The following P4HB variants were observed in gnomAD, a reference collection of about 807,000 sequenced individuals.
P4HB encodes prolyl 4-hydroxylase subunit beta.
A neutral mutation model predicts 52.6 loss-of-function variants in P4HB; 20 were observed. That is an observed-to-expected ratio of 0.38 (90% CI 0.27 to 0.55). P4HB has a LOEUF of 0.55. Ranked by LOEUF, P4HB falls within the 20% of genes least tolerant of loss-of-function variation. The pLI is 0.74. For missense variants in P4HB, 601 were observed against 669.2 expected, an observed-to-expected ratio of 0.90 and a Z score of 1.12; for synonymous variants, 296 against 277.9, an observed-to-expected ratio of 1.07 and a Z score of -0.65.
In P4HB at chr17:81,860,351, G is replaced by A; in HGVS notation, c.121C>T (p.His41Tyr). ...CAGAACTCCACCAGCAGGTACTTGT[G>A]GGCCGCCAGCGCCTCCGCGAAGTTG... ...KSNFAEALAA[H>Y]KYLLVEFYAP... is the part of the protein sequence containing the mutation. The change falls in exon 1 of 11, where the codon CAC becomes TAC. Residue 41 changes from histidine (H) to tyrosine (Y), a missense_variant. By Grantham distance (83) the His-to-Tyr change is moderately conservative. Coordinates refer to ENST00000331483, the MANE Select transcript of P4HB (RefSeq NM_000918.4). 6.8e-7 allele frequency: 1 copy of A among 1,473,304 alleles called. No individual in the cohort carries two copies. The allele number at this position is 1,473,304 out of a possible 1,614,324, so 91.3% of individuals were successfully genotyped here.
At chr17:81,851,918 C>G (rs150004390) in intron 4 of P4HB, among the ~76,000 whole-genome samples, 1,626 of 152,364 alleles carry the variant, frequency 0.011, 32 homozygotes, top group African/African-American at 0.037. Context: ...TGGTATGGCT[C>G]ACGCCTGTAA....
At chr17:81,853,301 G>A (rs894313032) in intron 4 of P4HB, among the ~76,000 whole-genome samples, 2 of 152,044 alleles carry the variant, frequency 1.3e-5, no homozygotes, top group Non-Finnish European at 1.5e-5. Context: ...TGAATGGGTC[G>A]GTGGCTCACA....
chr17:81,851,615 C>T (rs768878613), intron 4 of P4HB, among the ~76,000 whole-genome samples: 3 of 152,194 alleles, frequency 2.0e-5, no homozygotes, highest in Admixed American at 6.5e-5. Context: ...CCAGGAGTAA[C>T]GCCGGGCCGC....
intron 2 of P4HB, among the ~76,000 whole-genome samples, chr17:81,857,734 C>T (rs992580434): frequency 9.9e-5 from 15 of 152,210 alleles, no homozygotes; most frequent in Admixed American, 2.0e-4. Context: ...GGTCAACTGA[C>T]AGGAAAGAAA....
Position 81,860,426 on chromosome 17 carries a change from G to T in P4HB, c.46C>A (p.Arg16Ser). The T allele has an allele frequency of 1.4e-6, 2 of 1,420,174 alleles. No homozygotes were observed. The allele number at this position is 1,420,174 out of a possible 1,614,324, so 88.0% of individuals were successfully genotyped here. A position where few individuals can be genotyped will look rare whatever the true frequency, so the allele number is the denominator to read the frequency against. Residue 16 changes from arginine (R) to serine (S), a missense_variant, in exon 1 of 11, where the codon CGC becomes AGC. Physicochemically the swap from Arg to Ser is moderately radical, Grantham distance 110. Coordinates refer to ENST00000331483, the MANE Select transcript of P4HB (RefSeq NM_000918.4). ...TCCTCCTCCTCGGGGGCGTCGGCGC[G>T]CACCAGGGCGGCCACGGCCAGGCAC... ...LLCLAVAALV[R>S]ADAPEEEDHV...
intron 8 of P4HB, 46 bp downstream of exon 8, chr17:81,845,825 G>C (rs199828535): frequency 1.1e-5 from 17 of 1,613,906 alleles, no homozygotes; most frequent in Non-Finnish European, 1.4e-5. Flanking sequence ...TACCTTGCGC[G>C]TGCCCTGGTG....
At chr17:81,852,788 C>CA (rs1019732924) in intron 4 of P4HB, among the ~76,000 whole-genome samples, 1 of 152,262 alleles carries the variant, frequency 6.6e-6, no homozygotes, top group Admixed American at 6.5e-5. Context: ...CACATATCAC[C>CA]AAACTGTCCA....
chr17:81,851,226 G>A lies in P4HB; in HGVS notation c.625-3879C>T, dbSNP rs185183999. ...ATTACAGGCATGAGCCCCTGCACCC[G>A]GCCTCCTCAAACTTCTTAAATGAGA... On this transcript the variant is annotated intron_variant, in intron 4 of 10. Coordinates refer to ENST00000331483, the MANE Select transcript of P4HB (RefSeq NM_000918.4). 1.6e-3 allele frequency among the ~76,000 whole-genome samples: 248 copies of A among 152,298 alleles called. 2 individuals are homozygous for A. The highest frequency in any genetic ancestry group is 5.8e-3 in the African/African-American group (242 of 41,580).
intron 2 of P4HB, among the ~76,000 whole-genome samples, chr17:81,856,728 C>T (rs1041366942): frequency 2.0e-5 from 3 of 151,242 alleles, no homozygotes; most frequent in Non-Finnish European, 4.4e-5. Context: ...TGGCTCACTG[C>T]AACCTCCATC....
At chr17:81,854,992 C>T (rs980646661) in intron 4 of P4HB, 150 bp downstream of exon 4, 13 of 758,968 alleles carry the variant, frequency 1.7e-5, no homozygotes, top group Non-Finnish European at 2.7e-5. Context: ...CAGGCATCAG[C>T]GCAACACCCC....
Position 81,844,002 on chromosome 17 carries a change from G to C in P4HB, c.*10C>G. 6.2e-7 allele frequency: 1 copy of C among 1,606,802 alleles called. No homozygotes were observed. Among genetic ancestry groups the C allele is most frequent in the Non-Finnish European group, 8.5e-7 (1 of 1,173,482 alleles). On this transcript the variant is annotated 3_prime_UTR_variant, in exon 11 of 11. Coordinates refer to ENST00000331483, the MANE Select transcript of P4HB (RefSeq NM_000918.4). Reference sequence around the variant, plus strand: ...GGGGTCTCGGCAGCGCCCGGGTCTGGCTTTGCGTATTACAGTTCATCTTTC... The same window carrying C: ...GGGGTCTCGGCAGCGCCCGGGTCTGCCTTTGCGTATTACAGTTCATCTTTC...
chr17:81,848,773 A>C (rs1485759908), intron 4 of P4HB, among the ~76,000 whole-genome samples: 1 of 140,892 alleles, frequency 7.1e-6, no homozygotes, highest in Non-Finnish European at 1.5e-5. Flanking sequence ...GGCCAGGTGC[A>C]GTGGCTCACA....
Position 81,843,928 on chromosome 17 carries a change from G to A in P4HB, c.*84C>T. 1 of 1,004,446 alleles carries A rather than the reference G, an allele frequency of 1.0e-6. No individual in the cohort carries two copies. Among genetic ancestry groups the A allele is most frequent in the Non-Finnish European group, 1.6e-6 (1 of 627,658 alleles). The allele number at this position is 1,004,446 out of a possible 1,614,324, so 62.2% of individuals were successfully genotyped here. ...TCCGGCGACGCCCTCCTTCAAGCGA[G>A]GCCGCAGGCTTCGGAGGCGTGCGCT... On this transcript the variant is annotated 3_prime_UTR_variant, in exon 11 of 11. Coordinates refer to ENST00000331483, the MANE Select transcript of P4HB (RefSeq NM_000918.4).
chr17:81,860,522 G>A lies in P4HB; in HGVS notation c.-51C>T. ...TTCGGTTGGCGCCGCCGGGACAGCG[G>A]GGGCGACGAGAGCGCGCGCCGGTCC... On this transcript the variant is annotated 5_prime_UTR_variant, in exon 1 of 11. Transcript: ENST00000331483. 8.1e-7 allele frequency: 1 copy of A among 1,231,526 alleles called. No homozygotes were observed. Among genetic ancestry groups the A allele is most frequent in the Non-Finnish European group, 1.0e-6 (1 of 985,560 alleles). 76.3% of individuals were successfully genotyped at this position (1,231,526 alleles called of 1,614,324 possible). A position where few individuals can be genotyped will look rare whatever the true frequency, so the allele number is the denominator to read the frequency against.
At chr17:81,858,722 T>A (rs2038953359) in intron 2 of P4HB, 1 of 186,506 alleles carries the variant, frequency 5.4e-6, no homozygotes, top group South Asian at 9.3e-5. Flanking sequence ...CAGCCCTTTG[T>A]CTGGGAAAAG....
chr17:81,846,317 C>T lies in P4HB; in HGVS notation c.1056+112G>A, dbSNP rs1243167814. 9 of 1,026,854 alleles carry T rather than the reference C, an allele frequency of 8.8e-6. No individual in the cohort carries two copies. The South Asian group carries it at 9.7e-5, about 11-fold the overall frequency. The allele number at this position is 1,026,854 out of a possible 1,614,324, so 63.6% of individuals were successfully genotyped here. The stretch of plus-strand genomic sequence containing the variant: ...TTCACACCATCTTGGGCTCCGTCCT[C>T]TTACTCTGAAGATCTTACTTTGAGG... On this transcript the variant is annotated intron_variant, in intron 7 of 10. Coordinates refer to ENST00000331483, the MANE Select transcript of P4HB (RefSeq NM_000918.4). This position sits in a 1 kb window ranked among gnomAD's most constrained non-coding sequence, Gnocchi z 5.7.
Position 81,846,345 on chromosome 17 carries a change from G to A in P4HB, c.1056+84C>T, listed in dbSNP as rs1598263770. 4 of 1,259,996 alleles carry A rather than the reference G, an allele frequency of 3.2e-6. No individual in the cohort carries two copies. The highest frequency in any genetic ancestry group is 4.6e-6 in the Non-Finnish European group (4 of 871,406). 78.1% of individuals were successfully genotyped at this position (1,259,996 alleles called of 1,614,324 possible). On this transcript the variant is annotated intron_variant, in intron 7 of 10. Coordinates refer to ENST00000331483, the MANE Select transcript of P4HB (RefSeq NM_000918.4). The surrounding 1 kb of genome is among the most constrained non-coding windows in gnomAD (Gnocchi z 5.7). ...ACTCTGAAGATCTTACTTTGAGGAC[G>A]AAGCCCAGGACACTGAGAGCCCAGA...
intron 1 of P4HB, 191 bp from the exon 2 acceptor site, chr17:81,859,578 C>T (rs2038965081): frequency 1.7e-6 from 1 of 594,920 alleles, no homozygotes. Context: ...GGACAGAGGC[C>T]GTGAACGACA....
At chr17:81,844,412 AGTCTACAGAGG>A (rs2038701426) in intron 10 of P4HB, among the ~76,000 whole-genome samples, 1 of 152,092 alleles carries the variant, frequency 6.6e-6, no homozygotes, top group Admixed American at 6.5e-5. Context: ...GGCACCATGG[AGTCTACAGAGG>A]GTCCACATCT....
Sources: allele counts gnomAD v4.1 joint callset (sites outside exome capture counted in the v4.1 genomes callset), GRCh38; gene constraint gnomAD v4.1.1; non-coding constraint Gnocchi (gnomAD v3.1); transcripts MANE v1.5; gene names NCBI Gene and HGNC (gene_info 2026-07-23, HGNC 2026-07-21).